Variants in NTM observed in about 807,000 individuals in gnomAD.
NTM encodes IgLON family member 2.
A neutral mutation model predicts 42.1 loss-of-function variants in NTM; 13 were observed. The observed-to-expected ratio is 0.31, with a 90% CI of 0.20 to 0.49. The LOEUF (loss-of-function observed/expected upper bound fraction) is 0.49. Among genes scored for constraint, NTM ranks in the 20% least tolerant of loss-of-function variants. The probability of loss-of-function intolerance (pLI) is 0.99; values close to 1 mark genes in which losing one functional copy is unlikely to be tolerated. For synonymous variants in NTM, 187 were observed against 179.2 expected, an observed-to-expected ratio of 1.04 and a Z score of -0.35; for missense variants, 373 against 452.8, an observed-to-expected ratio of 0.82 and a Z score of 1.60.
chr11:132,124,841 A>G (rs2065414516), intron 2 of NTM, among the ~76,000 whole-genome samples: 1 of 152,162 alleles, frequency 6.6e-6, no homozygotes, highest in South Asian at 2.1e-4. Flanking sequence ...AACAACATAA[A>G]GAAAAATAGC....
chr11:131,787,441 A>C (rs949038733), intron 1 of NTM, among the ~76,000 whole-genome samples: 1 of 151,180 alleles, frequency 6.6e-6, no homozygotes, highest in African/African-American at 2.4e-5. Flanking sequence ...GTGCAGTGGC[A>C]TGAGCTCGGC....
intron 2 of NTM, among the ~76,000 whole-genome samples, chr11:131,948,998 C>G (rs2060686362): frequency 6.6e-6 from 1 of 152,214 alleles, no homozygotes; most frequent in Non-Finnish European, 1.5e-5. Flanking sequence ...CTCCCTCCCT[C>G]CAGCCTCCGG....
In NTM at chr11:132,173,409, T is replaced by TA. The variant is rs573641548; in HGVS notation, c.400+26897dup. Among the ~76,000 whole-genome samples, 35 of 152,348 alleles carry TA rather than the reference T, an allele frequency of 2.3e-4. 1 individual carries two copies. The East Asian group carries it at 6.8e-3, about 29-fold the overall frequency. ...TGACTGGCTCTGAACGTCATGCTTT[T>TA]AACCGTCTCTATTTATTGTCTTTGT... On this transcript the variant is annotated intron_variant, in intron 3 of 8. Transcript: ENST00000683400.
chr11:131,982,133 G>A (rs2065341352), intron 2 of NTM, among the ~76,000 whole-genome samples: 1 of 152,110 alleles, frequency 6.6e-6, no homozygotes, highest in Admixed American at 6.5e-5. Flanking sequence ...CTCCTAGGTT[G>A]CCCATCTGCC....
chr11:131,918,149 G>T (rs113553074), intron 2 of NTM, among the ~76,000 whole-genome samples: 2 of 152,136 alleles, frequency 1.3e-5, no homozygotes, highest in Admixed American at 6.5e-5. Context: ...TCAGTCTTGC[G>T]TAAGGAGGCC....
At chr11:131,838,433 A>T (rs939415667) in intron 1 of NTM, among the ~76,000 whole-genome samples, 2 of 152,190 alleles carry the variant, frequency 1.3e-5, no homozygotes, top group Non-Finnish European at 2.9e-5. Context: ...AAAATAGTGG[A>T]TTCAATTCCT....
At chr11:131,433,102 C>G (rs1243622573) in intron 1 of NTM, among the ~76,000 whole-genome samples, 1 of 151,996 alleles carries the variant, frequency 6.6e-6, no homozygotes, top group Admixed American at 6.6e-5. Context: ...CGTGATCCCC[C>G]CGTCTCGGCC....
At chr11:131,524,599 C>A (rs1487280367) in intron 1 of NTM, among the ~76,000 whole-genome samples, 1 of 152,366 alleles carries the variant, frequency 6.6e-6, no homozygotes, top group East Asian at 1.9e-4. Context: ...ACCAATTAAT[C>A]TTGAACTGTT....
chr11:131,704,978 C>T (rs1042845036), intron 1 of NTM, among the ~76,000 whole-genome samples: 1 of 152,046 alleles, frequency 6.6e-6, no homozygotes, highest in African/African-American at 2.4e-5. Flanking sequence ...CTAGGACTTA[C>T]AGGACACAAT....
chr11:131,437,994 C>T (rs527955795), intron 1 of NTM, among the ~76,000 whole-genome samples: 8 of 152,334 alleles, frequency 5.3e-5, no homozygotes, highest in African/African-American at 7.2e-5. Flanking sequence ...GAAAATCTCT[C>T]AGCATTTGCT....
chr11:132,151,963 C>T (rs1340631804), intron 3 of NTM, among the ~76,000 whole-genome samples: 1 of 152,114 alleles, frequency 6.6e-6, no homozygotes, highest in African/African-American at 2.4e-5. Flanking sequence ...TCTCTCTTAC[C>T]CACTTGATAT....
At chr11:131,582,388 T>C (rs1464790079) in intron 1 of NTM, 1 of 152,192 alleles carries the variant, frequency 6.6e-6, no homozygotes, top group African/African-American at 2.4e-5. Context: ...TGTATGTAAA[T>C]GAATCCCTTC....
At chr11:132,010,834 T>A (rs192385847) in intron 2 of NTM, among the ~76,000 whole-genome samples, 2 of 152,136 alleles carry the variant, frequency 1.3e-5, no homozygotes, top group Admixed American at 1.3e-4. Context: ...TCTTAAGAAT[T>A]CCCTGATGGA....
chr11:132,293,731 A>G (rs543742215), intron 4 of NTM, among the ~76,000 whole-genome samples: 1 of 152,124 alleles, frequency 6.6e-6, no homozygotes, highest in East Asian at 1.9e-4. Flanking sequence ...CAAAAGGAGA[A>G]TACTATGTTG....
At chr11:131,672,183 T>TC (rs2070409761) in intron 1 of NTM, among the ~76,000 whole-genome samples, 1 of 152,102 alleles carries the variant, frequency 6.6e-6, no homozygotes, top group African/African-American at 2.4e-5. Flanking sequence ...GTGCTGTCCC[T>TC]CCCTCCCCAC....
intron 3 of NTM, among the ~76,000 whole-genome samples, chr11:132,187,284 A>C (rs954021724): frequency 1.8e-4 from 28 of 151,724 alleles, no homozygotes; most frequent in African/African-American, 6.3e-4. Flanking sequence ...CCCTGAAAAA[A>C]CAAGATGAGA....
intron 4 of NTM, among the ~76,000 whole-genome samples, chr11:132,294,668 C>T (rs1191779316): frequency 6.6e-6 from 1 of 152,072 alleles, no homozygotes; most frequent in Non-Finnish European, 1.5e-5. Flanking sequence ...AGCCCTTAGT[C>T]CTGAGACCAA....
intron 2 of NTM, among the ~76,000 whole-genome samples, chr11:131,998,805 T>C (rs2135247858): frequency 1.3e-5 from 2 of 152,212 alleles, no homozygotes. Context: ...GAATGATCGG[T>C]GGGGATGCCA....
intron 1 of NTM, among the ~76,000 whole-genome samples, chr11:131,691,152 C>T (rs969715437): frequency 6.6e-6 from 1 of 152,160 alleles, no homozygotes; most frequent in Non-Finnish European, 1.5e-5. Context: ...CCCCGGAGGG[C>T]GCACCAGGGG....
Sources: gnomAD v4.1 joint callset for allele counts (sites outside exome capture counted in the v4.1 genomes callset) on GRCh38, gnomAD v4.1.1 for gene constraint, MANE v1.5 for transcripts, NCBI Gene and HGNC (gene_info 2026-07-23, HGNC 2026-07-21) for gene names.